CUBN: variants seen among roughly 807,000 people sequenced by gnomAD.
The protein encoded by CUBN is 460 kDa receptor.
CUBN carries 282 observed loss-of-function variants against 405.3 expected under a neutral mutation model. That is an observed-to-expected ratio of 0.70 (90% confidence interval 0.63 to 0.77). CUBN has a LOEUF of 0.77. CUBN is among the 30% of genes least tolerant of loss of function. The pLI, the probability that CUBN is intolerant of heterozygous loss-of-function variation, is 0.00. For synonymous variants in CUBN, 1,684 were observed against 1,617.0 expected (o/e 1.04, Z -0.99); for missense variants, 4,514 against 4,475.2 (o/e 1.01, Z -0.25).
intron 59 of CUBN, among the ~76,000 whole-genome samples, chr10:16,866,099 C>T (rs772936514): frequency 3.3e-5 from 5 of 152,122 alleles, no homozygotes; most frequent in Non-Finnish European, 7.4e-5. Context: ...ATTGAAATGC[C>T]TGCAGACCTC....
chr10:16,891,619 T>G (rs1841009748), intron 54 of CUBN, among the ~76,000 whole-genome samples: 1 of 152,274 alleles, frequency 6.6e-6, no homozygotes, highest in South Asian at 2.1e-4. Context: ...CAGGTAGGTT[T>G]TGCCCTAGTT....
At chr10:16,993,488 G>C (rs933264775) in intron 28 of CUBN, among the ~76,000 whole-genome samples, 2 of 152,072 alleles carry the variant, frequency 1.3e-5, no homozygotes, top group Non-Finnish European at 2.9e-5. Flanking sequence ...GGGGCATTCA[G>C]TATTGCTTTA....
intron 13 of CUBN, 42 bp downstream of exon 13, chr10:17,103,083 T>A (rs1405998584): frequency 2.9e-6 from 3 of 1,047,984 alleles, no homozygotes; most frequent in Non-Finnish European, 3.0e-6. Flanking sequence ...TATTTATATA[T>A]ACAAATATAA....
chr10:17,091,260 TA>T (rs1836251261), intron 14 of CUBN, among the ~76,000 whole-genome samples: 1 of 152,220 alleles, frequency 6.6e-6, no homozygotes, highest in African/African-American at 2.4e-5. Flanking sequence ...GTTTCATTTT[TA>T]AATGCCTAGA....
rs148491916 is a variant in CUBN, at chr10:16,869,672, C to A, written c.9418G>T (p.Ala3140Ser). ...CGGAAAGACATCTTCCAGCCTTTTG[C>A]TGTCTGAAATGAATCTGTCTTGAAC... ...LVFKTDSFQTAKGWKMSFRQT... is the reference protein window; with the variant it reads ...LVFKTDSFQTSKGWKMSFRQT... The change falls in exon 59 of 67, where the codon GCA (alanine) becomes TCA (serine). Residue 3140 changes from alanine (A) to serine (S), a missense_variant. Ala to Ser is a moderately conservative substitution (Grantham distance 99, BLOSUM62 1). This residue lies in a region of CUBN where 1,186 missense variants were observed against 1,186.9 expected (regional missense o/e 1.00). Transcript: ENST00000377833. The A allele has an allele frequency of 1.9e-6, 3 of 1,613,902 alleles. No individual in the cohort carries two copies. Among genetic ancestry groups the A allele is most frequent in the Non-Finnish European group, 2.5e-6 (3 of 1,179,906 alleles).
rs774977786 is a variant in CUBN, at chr10:16,899,146, G to C, written c.8448C>G (p.Ile2816Met). The part of the protein sequence containing the change: ...GGIFHSDNGT[I>M]RSPHWPQNFP... ...AATTCTGAGGCCAGTGAGGGGATCT[G>C]ATTGTACCATTATCAGAATGAAATA... is the stretch of plus-strand genomic sequence containing the variant. Residue 2816 changes from isoleucine to methionine, a missense_variant, in exon 54 of 67, where the codon ATC (isoleucine) becomes ATG (methionine). Physicochemically the swap from Ile to Met is conservative, Grantham distance 10. Transcript: ENST00000377833. 2.1e-5 allele frequency: 34 copies of C among 1,613,890 alleles called. 1 individual carries two copies. In the South Asian group the frequency reaches 3.7e-4, roughly 18 times the overall value.
chr10:16,901,883 T>C (rs1397029991), intron 51 of CUBN, among the ~76,000 whole-genome samples: 1 of 70,168 alleles, frequency 1.4e-5, no homozygotes, highest in Non-Finnish European at 2.6e-5. Context: ...ATATACACCA[T>C]ATATAGTATA....
At chr10:17,001,653 T>C (rs1833888766) in intron 28 of CUBN, among the ~76,000 whole-genome samples, 1 of 152,224 alleles carries the variant, frequency 6.6e-6, no homozygotes, top group Non-Finnish European at 1.5e-5. Flanking sequence ...ACAACAGTAA[T>C]AGTGAATGAG....
intron 28 of CUBN, among the ~76,000 whole-genome samples, chr10:17,012,111 G>C (rs1361891528): frequency 2.6e-5 from 4 of 152,192 alleles, no homozygotes; most frequent in African/African-American, 4.8e-5. Flanking sequence ...GATAGAAGTT[G>C]TTAGTTGAGC....
At position 16,898,982 on chromosome 10, in the gene CUBN, A is replaced by G. The variant is rs780634813; in HGVS notation, c.8598+14T>C. The G allele has an allele frequency of 3.2e-6, 5 of 1,581,628 alleles. No homozygotes were observed. In the Admixed American group the frequency reaches 8.3e-5, roughly 26 times the overall value. On this transcript the variant is annotated intron_variant, in intron 54 of 66. Transcript: ENST00000377833. ...AACCAACTTGGCTCCAATTAAATGA[A>G]CAAGTGTACTAACCTTCACGAAGCT... is the stretch of plus-strand genomic sequence containing the variant.
Position 16,869,764 on chromosome 10 carries a change from A to G in CUBN, c.9326T>C (p.Leu3109Pro). 3 of 1,614,150 alleles carry G rather than the reference A, an allele frequency of 1.9e-6. No homozygotes were observed. Among genetic ancestry groups the G allele is most frequent in the Non-Finnish European group, 2.5e-6 (3 of 1,180,008 alleles). Residue 3109 changes from leucine (L) to proline (P), a missense_variant, in exon 59 of 67, where the codon CTT (leucine) becomes CCT (proline). Leu to Pro is a moderately conservative substitution (Grantham distance 98, BLOSUM62 -3). Around this residue, in one of 5 missense-constraint regions of CUBN, gnomAD observed 1,186 missense variants for 1,186.9 expected, o/e 1.00. Coordinates refer to ENST00000377833, the MANE Select transcript of CUBN (RefSeq NM_001081.4). The part of the protein sequence containing the change: ...YDGANTSDPL[L>P]GKFCGSKRPP... ...GCGCTTGGAACCGCAGAATTTGCCA[A>G]GAAGGGGATCGCTGGTATTGGCACC...
chr10:17,124,119 G>A (rs1041362987), intron 4 of CUBN, among the ~76,000 whole-genome samples: 6 of 152,172 alleles, frequency 3.9e-5, no homozygotes, highest in Admixed American at 3.9e-4. Context: ...GTCCCTCGAG[G>A]TGAGCCTTTG....
chr10:17,126,648 C>A (rs1837198314), intron 4 of CUBN, 113 bp downstream of exon 4: 2 of 1,196,340 alleles, frequency 1.7e-6, no homozygotes, highest in African/African-American at 1.5e-5. Flanking sequence ...TGGGAAAAAG[C>A]AAGTTTTTAA....
chr10:16,892,090 TTGGGAAA>T (rs771257045), intron 54 of CUBN, among the ~76,000 whole-genome samples: 3 of 152,206 alleles, frequency 2.0e-5, no homozygotes, highest in Non-Finnish European at 4.4e-5. Context: ...AACATTTCTA[TTGGGAAA>T]TCAGTCCATA....
intron 15 of CUBN, among the ~76,000 whole-genome samples, chr10:17,087,568 CG>C (rs1464650304): frequency 2.7e-5 from 4 of 150,272 alleles, no homozygotes; most frequent in Non-Finnish European, 4.4e-5. Flanking sequence ...CTCCGCCTCC[CG>C]GGTCCAAACG....
At position 16,954,420 on chromosome 10, in the gene CUBN, C is replaced by G; in HGVS notation, c.4824G>C (p.Gln1608His). 6.2e-7 allele frequency: 1 copy of G among 1,614,206 alleles called. No individual in the cohort carries two copies. The highest frequency in any genetic ancestry group is 8.5e-7 in the Non-Finnish European group (1 of 1,180,038). Residue 1608 changes from glutamine (Q) to histidine (H), a missense_variant, in exon 32 of 67, where the codon CAG becomes CAC. Gln to His is a conservative substitution (Grantham distance 24, BLOSUM62 0). Transcript: ENST00000377833. ...FLRFQSGPSR[Q>H]NRGFRAQFRQ... ...TGAATTGAGCTCGGAAGCCTCTGTTCTGTCTGGAAGGGCCAGACTGAAATC... is the reference window on the plus strand; with the variant it reads ...TGAATTGAGCTCGGAAGCCTCTGTTGTGTCTGGAAGGGCCAGACTGAAATC...
chr10:17,021,111 T>C (rs1275196748), intron 27 of CUBN, among the ~76,000 whole-genome samples: 1 of 151,250 alleles, frequency 6.6e-6, no homozygotes, highest in Non-Finnish European at 1.5e-5. Flanking sequence ...TACTTTGACA[T>C]TGAAGGATTT....
chr10:16,830,350 T>C (rs1838947969), intron 65 of CUBN, among the ~76,000 whole-genome samples: 1 of 152,258 alleles, frequency 6.6e-6, no homozygotes, highest in African/African-American at 2.4e-5. Context: ...TTTCTTAAGA[T>C]ATTTAAAGTG....
intron 34 of CUBN, 64 bp from the exon 35 acceptor site, chr10:16,948,670 G>A: frequency 6.3e-7 from 1 of 1,597,920 alleles, no homozygotes; most frequent in Admixed American, 1.7e-5. Flanking sequence ...CTGTTTCTAG[G>A]AAACACATCT....
Sources: allele counts gnomAD v4.1 joint callset (sites outside exome capture counted in the v4.1 genomes callset), GRCh38; gene constraint gnomAD v4.1.1; regional missense constraint gnomAD v4.1.1; transcripts MANE v1.5; gene names NCBI Gene and HGNC (gene_info 2026-07-23, HGNC 2026-07-21).